The following SPPL3 variants were observed in gnomAD, a reference collection of about 807,000 sequenced individuals.
SPPL3 encodes signal peptide peptidase like 3, also known as signal peptide peptidase-like 3.
SPPL3 carries 5 observed loss-of-function variants against 42.4 expected under a neutral mutation model. The observed-to-expected ratio is 0.12, with a 90% confidence interval of 0.06 to 0.25. The LOEUF is 0.25. Among genes scored for constraint, SPPL3 ranks in the 10% least tolerant of loss-of-function variants. SPPL3 has a pLI of 1.00. For synonymous variants in SPPL3, 195 were observed against 181.8 expected, an observed-to-expected ratio of 1.07 and a Z score of -0.58; for missense variants, 235 against 489.0, an observed-to-expected ratio of 0.48 and a Z score of 4.90.
intron 6 of SPPL3, among the ~76,000 whole-genome samples, chr12:120,776,431 T>C (rs1869323611): frequency 1.3e-5 from 2 of 152,096 alleles, no homozygotes. Context: ...TACAGAGAGG[T>C]GCTCACCCCA....
intron 1 of SPPL3, among the ~76,000 whole-genome samples, chr12:120,817,600 T>C (rs1027882848): frequency 6.6e-6 from 1 of 152,184 alleles, no homozygotes; most frequent in African/African-American, 2.4e-5. Context: ...TGGGAAATTC[T>C]TCCCTAGGGT....
intron 2 of SPPL3, among the ~76,000 whole-genome samples, chr12:120,800,128 C>G (rs539674772): frequency 9.2e-5 from 14 of 152,204 alleles, no homozygotes; most frequent in Non-Finnish European, 2.1e-4. Flanking sequence ...TATACAGTAA[C>G]ATAATATGAT....
At chr12:120,812,660 A>G (rs1870723046) in intron 1 of SPPL3, among the ~76,000 whole-genome samples, 2 of 152,166 alleles carry the variant, frequency 1.3e-5, no homozygotes, top group Non-Finnish European at 2.9e-5. Flanking sequence ...TGCAAAGAAA[A>G]CCAAGATGAA....
At chr12:120,812,259 C>T (rs573244152) in intron 1 of SPPL3, among the ~76,000 whole-genome samples, 4 of 151,900 alleles carry the variant, frequency 2.6e-5, no homozygotes, top group East Asian at 3.9e-4. Context: ...CTCAGTCTCT[C>T]GAGTAGCTGG....
intron 1 of SPPL3, among the ~76,000 whole-genome samples, chr12:120,887,362 G>A (rs1371409269): frequency 6.6e-6 from 1 of 152,074 alleles, no homozygotes; most frequent in African/African-American, 2.4e-5. Context: ...AGAAAAGGTA[G>A]TATTTTACAA....
chr12:120,874,228 G>A (rs763010373), intron 1 of SPPL3, among the ~76,000 whole-genome samples: 16 of 152,016 alleles, frequency 1.1e-4, no homozygotes, highest in Non-Finnish European at 2.4e-4. Context: ...CGAGGAAGGC[G>A]AATCACCTGA....
intron 1 of SPPL3, chr12:120,845,420 C>A: frequency 5.1e-6 from 2 of 394,326 alleles, no homozygotes; most frequent in South Asian, 2.5e-5. Flanking sequence ...AGTAGTGGCA[C>A]CACAGAGGCC....
At chr12:120,899,961 T>G (rs573362128) in intron 1 of SPPL3, among the ~76,000 whole-genome samples, 1 of 150,826 alleles carries the variant, frequency 6.6e-6, no homozygotes, top group Non-Finnish European at 1.5e-5. Flanking sequence ...TAAGCAGAAT[T>G]TGAGTTGAAC....
Position 120,784,403 on chromosome 12 carries a change from T to G in SPPL3, c.310+71A>C, listed in dbSNP as rs1323493372. On this transcript the variant is annotated intron_variant, in intron 4 of 10. Transcript: ENST00000353487. Reference sequence around the variant, plus strand: ...ATGACATGGTATATAAATCTTAATTTTTGAACAATGATAAAGGTGAAAAAT... The same window carrying G: ...ATGACATGGTATATAAATCTTAATTGTTGAACAATGATAAAGGTGAAAAAT... 8.3e-6 allele frequency: 12 copies of G among 1,446,516 alleles called. No individual in the cohort carries two copies. In the East Asian group the frequency reaches 2.9e-4, roughly 35 times the overall value. 89.6% of individuals were successfully genotyped at this position (1,446,516 alleles called of 1,614,324 possible).
rs1020577513 is a variant in SPPL3 at position 120,782,573 on chromosome 12, T to C, written c.502+82A>G. 4.5e-6 allele frequency: 5 copies of C among 1,099,246 alleles called. No homozygotes were observed. The Admixed American group carries it at 6.4e-5, about 14-fold the overall frequency. 68.1% of individuals were successfully genotyped at this position (1,099,246 alleles called of 1,614,324 possible). On this transcript the variant is annotated intron_variant, in intron 6 of 10. Coordinates refer to ENST00000353487, the MANE Select transcript of SPPL3 (RefSeq NM_139015.5). ...CTCTAAAAGTTTATTGTAGTGATGG[T>C]TGTACAGCTCTGTGAATATCCTAAA...
chr12:120,774,244 T>G (rs1416094067), intron 6 of SPPL3, among the ~76,000 whole-genome samples: 1 of 152,132 alleles, frequency 6.6e-6, no homozygotes, highest in Non-Finnish European at 1.5e-5. Context: ...TCCACCCACT[T>G]CCTACTTTGC....
chr12:120,877,985 C>T (rs1000516738), intron 1 of SPPL3, among the ~76,000 whole-genome samples: 1 of 151,436 alleles, frequency 6.6e-6, no homozygotes, highest in Non-Finnish European at 1.5e-5. Context: ...CACCACTGCA[C>T]TCCAGCCTGG....
chr12:120,885,537 A>G (rs1018220422), intron 1 of SPPL3, among the ~76,000 whole-genome samples: 2 of 152,208 alleles, frequency 1.3e-5, no homozygotes, highest in Non-Finnish European at 2.9e-5. Context: ...TAAGGCATCT[A>G]ATAGTCAGTA....
At chr12:120,825,736 A>G (rs150586625) in intron 1 of SPPL3, among the ~76,000 whole-genome samples, 2 of 152,324 alleles carry the variant, frequency 1.3e-5, no homozygotes, top group African/African-American at 2.4e-5. Flanking sequence ...TAAAAATCAT[A>G]AGAGTCTATA....
In SPPL3 at chr12:120,784,456, A is replaced by G. The variant is rs1474516184; in HGVS notation, c.310+18T>C. 6.3e-7 allele frequency: 1 copy of G among 1,578,922 alleles called. No individual in the cohort carries two copies. Among genetic ancestry groups the G allele is most frequent in the Admixed American group, 1.9e-5 (1 of 51,826 alleles). On this transcript the variant is annotated intron_variant, in intron 4 of 10. Transcript: ENST00000353487. ...TCCTTTTAGTATGTTAAGACTAGAC[A>G]GAGAAACTCATATTTACCTGCTGTA... is the stretch of plus-strand genomic sequence containing the variant.
rs1398043258 is a variant in SPPL3 at position 120,901,752 on chromosome 12, A to G, written c.23+2093T>C. 1.1e-5 allele frequency: 4 copies of G among 379,024 alleles called. No homozygotes were observed. The East Asian group carries it at 6.5e-4, about 61-fold the overall frequency. The allele number at this position is 379,024 out of a possible 1,614,324, so 23.5% of individuals were successfully genotyped here. A position where few individuals can be genotyped will look rare whatever the true frequency, so the allele number is the denominator to read the frequency against. ...CAAGGAGTTTCTTTGCCTGTAAAGC[A>G]AACAGAGCTGACATTGAAGGAAGTA... is the stretch of plus-strand genomic sequence containing the variant. On this transcript the variant is annotated intron_variant, in intron 1 of 10. Transcript: ENST00000353487.
intron 1 of SPPL3, among the ~76,000 whole-genome samples, chr12:120,867,328 G>A (rs1325166137): frequency 6.6e-6 from 1 of 152,136 alleles, no homozygotes; most frequent in Non-Finnish European, 1.5e-5. Flanking sequence ...ACAGCACTTG[G>A]TGAATTTCTT....
chr12:120,793,960 A>G (rs1870012205), intron 2 of SPPL3, among the ~76,000 whole-genome samples: 1 of 152,112 alleles, frequency 6.6e-6, no homozygotes, highest in Non-Finnish European at 1.5e-5. Flanking sequence ...ATCTTCACTG[A>G]TTTTCTGCCT....
intron 1 of SPPL3, among the ~76,000 whole-genome samples, chr12:120,864,872 C>T (rs1026363519): frequency 7.2e-5 from 11 of 152,048 alleles, no homozygotes; most frequent in South Asian, 2.1e-4. Context: ...TATTTTTTTA[C>T]GCATTCTTAA....
Sources: gnomAD v4.1 joint callset for allele counts (sites outside exome capture counted in the v4.1 genomes callset) on GRCh38, gnomAD v4.1.1 for gene constraint, MANE v1.5 for transcripts, NCBI Gene and HGNC (gene_info 2026-07-23, HGNC 2026-07-21) for gene names.